JCAD: variants seen among roughly 807,000 people sequenced by gnomAD.
JCAD encodes the protein junctional cadherin 5 associated.
A neutral mutation model predicts 98.0 loss-of-function variants in JCAD; 40 were observed. That is an observed-to-expected ratio of 0.41 (90% confidence interval 0.32 to 0.53). The LOEUF (loss-of-function observed/expected upper bound fraction) is 0.53, where lower values mean the gene tolerates loss of function less well. Ranked by LOEUF, JCAD falls within the 20% of genes least tolerant of loss-of-function variation. The probability of loss-of-function intolerance (pLI) is 0.31; values close to 1 mark genes in which losing one functional copy is unlikely to be tolerated. For synonymous variants in JCAD, 691 were observed against 682.3 expected (o/e 1.01, Z -0.20); for missense variants, 1,705 against 1,738.1 (o/e 0.98, Z 0.34).
intron 2 of JCAD, among the ~76,000 whole-genome samples, chr10:30,037,801 G>A (rs1027893330): frequency 1.3e-5 from 2 of 152,070 alleles, no homozygotes; most frequent in African/African-American, 2.4e-5. Flanking sequence ...TTAAGTAGGA[G>A]GCATGTTGGA....
intron 2 of JCAD, among the ~76,000 whole-genome samples, chr10:30,043,814 G>A (rs1032632907): frequency 8.5e-5 from 13 of 152,336 alleles, no homozygotes; most frequent in Non-Finnish European, 1.5e-4. Context: ...CTGGCAGCCC[G>A]GGGGGTGGGG....
At chr10:30,056,323 T>C (rs1404787419) in intron 1 of JCAD, among the ~76,000 whole-genome samples, 1 of 152,222 alleles carries the variant, frequency 6.6e-6, no homozygotes, top group Non-Finnish European at 1.5e-5. Context: ...AATTATTTCA[T>C]ATGATCTTTA....
chr10:30,092,070 T>C (rs1000565200), intron 1 of JCAD, among the ~76,000 whole-genome samples: 951 of 46,382 alleles, frequency 0.021, 53 homozygotes, highest in East Asian at 0.052. Flanking sequence ...AAAAAATATA[T>C]ATATATATAT....
rs1436881382 is a variant in JCAD at position 30,016,693 on chromosome 10, C to T, written c.*1190G>A. ...CAGGGTGGGAAGAAAAGCATGGTCT[C>T]AGGGTAGATCCCCACACACATACAA... is the stretch of plus-strand genomic sequence containing the variant. On this transcript the variant is annotated 3_prime_UTR_variant, in exon 4 of 4. Coordinates refer to ENST00000375377, the MANE Select transcript of JCAD (RefSeq NM_020848.4). The T allele has an allele frequency of 6.6e-6, 1 of 152,048 alleles. No individual in the cohort carries two copies. Among genetic ancestry groups the T allele is most frequent in the Non-Finnish European group, 1.5e-5 (1 of 68,008 alleles). The allele number at this position is 152,048 out of a possible 1,614,324, so 9.4% of individuals were successfully genotyped here. A position where few individuals can be genotyped will look rare whatever the true frequency, so the allele number is the denominator to read the frequency against.
At chr10:30,080,713 CT>C (rs1310142101) in intron 1 of JCAD, among the ~76,000 whole-genome samples, 8 of 152,180 alleles carry the variant, frequency 5.3e-5, no homozygotes, top group Non-Finnish European at 1.2e-4. Context: ...GTCAGGCCCC[CT>C]GGCCCATCAG....
chr10:30,092,034 CAAAAAA>C (rs1198107053), intron 1 of JCAD, among the ~76,000 whole-genome samples: 82 of 35,318 alleles, frequency 2.3e-3, no homozygotes, highest in African/African-American at 0.01. Context: ...TCCCCCACCA[CAAAAAA>C]AAAAAAAAAA....
rs200173327 is a variant in JCAD at position 30,027,204 on chromosome 10, A to C, written c.2944T>G (p.Ser982Ala). 24 of 1,613,998 alleles carry C rather than the reference A, an allele frequency of 1.5e-5. No individual in the cohort carries two copies. The highest frequency in any genetic ancestry group is 1.9e-5 in the Non-Finnish European group (23 of 1,180,024). ...GCGGGCAGTGGTTTTGCGTCACTTG[A>C]TCTTGAAGACATTCTCGTCACAGGA... ...PFPVTRMSSRSSDAKPLPASY... is the reference protein window; with the variant it reads ...PFPVTRMSSRASDAKPLPASY... Residue 982 changes from serine (S) to alanine (A), a missense_variant, in exon 3 of 4, where the codon TCA becomes GCA. Transcript: ENST00000375377.
chr10:30,061,870 T>C (rs139161741), upstream of JCAD, among the ~76,000 whole-genome samples: 10 of 152,282 alleles, frequency 6.6e-5, no homozygotes, highest in East Asian at 1.9e-4. Context: ...CTCAATGAAA[T>C]AACTTTGTCC....
chr10:30,088,656 G>A (rs1838205887), intron 1 of JCAD, among the ~76,000 whole-genome samples: 1 of 152,138 alleles, frequency 6.6e-6, no homozygotes, highest in Non-Finnish European at 1.5e-5. Flanking sequence ...ATCCCAAGGA[G>A]AGAGGCAGAG....
chr10:30,071,159 C>A (rs1837879461), intron 1 of JCAD, among the ~76,000 whole-genome samples: 2 of 152,220 alleles, frequency 1.3e-5, no homozygotes, highest in Admixed American at 6.5e-5. Context: ...TCTGCCTCGG[C>A]CTCCCAAAGT....
intron 2 of JCAD, among the ~76,000 whole-genome samples, chr10:30,037,796 T>C (rs1308456782): frequency 1.3e-5 from 2 of 152,020 alleles, no homozygotes; most frequent in Non-Finnish European, 2.9e-5. Flanking sequence ...GGAAATTAAG[T>C]AGGAGGCATG....
At chr10:30,037,551 G>A (rs574411662) in intron 2 of JCAD, among the ~76,000 whole-genome samples, 9 of 152,280 alleles carry the variant, frequency 5.9e-5, no homozygotes, top group African/African-American at 2.2e-4. Context: ...TTTTTATGAT[G>A]TCACAATGAA....
At chr10:30,098,545 G>A (rs1029929615) in intron 1 of JCAD, among the ~76,000 whole-genome samples, 2 of 152,180 alleles carry the variant, frequency 1.3e-5, no homozygotes, top group African/African-American at 4.8e-5. Flanking sequence ...AAGCTGGGAT[G>A]GTGTTTGGCC....
At chr10:30,059,955 GAC>G (rs1807862540), upstream of JCAD, among the ~76,000 whole-genome samples, 1 of 151,798 alleles carries the variant, frequency 6.6e-6, no homozygotes. The surrounding 1 kb of genome is among the most constrained non-coding windows in gnomAD (Gnocchi z 5.0). Context: ...ACATATACAG[GAC>G]ACACAGGTGC....
At position 30,050,314 on chromosome 10, in the gene JCAD, C is replaced by CAAAAA. The variant is rs61421356; in HGVS notation, c.-59-2448_-59-2444dup. ...TGAGTGACACAGCAAGACCCTGTCT[C>CAAAAA]AAAAAAAAAAAAAAAAAAAAAAAAA... is the stretch of plus-strand genomic sequence containing the variant. On this transcript the variant is annotated intron_variant, in intron 1 of 3. Coordinates refer to ENST00000375377, the MANE Select transcript of JCAD (RefSeq NM_020848.4). Among the ~76,000 whole-genome samples, 147 of 41,668 alleles carry CAAAAA rather than the reference C, an allele frequency of 3.5e-3. 1 individual carries two copies. Among genetic ancestry groups the CAAAAA allele is most frequent in the African/African-American group, 4.9e-3 (68 of 13,904 alleles). The allele number at this position is 41,668 out of a possible 152,430, so 27.3% of individuals were successfully genotyped here.
At chr10:30,086,461 C>G (rs2132689552) in intron 1 of JCAD, among the ~76,000 whole-genome samples, 1 of 152,346 alleles carries the variant, frequency 6.6e-6, no homozygotes, top group East Asian at 1.9e-4. Context: ...TGTCAGTTGA[C>G]AGAAGGTGGA....
chr10:30,047,792 G>C lies in JCAD; in HGVS notation c.21C>G (p.Leu7=). 1 of 1,613,428 alleles carries C rather than the reference G, an allele frequency of 6.2e-7. No individual in the cohort carries two copies. The highest frequency in any genetic ancestry group is 1.1e-5 in the South Asian group (1 of 90,972). The change falls in exon 2 of 4, where the codon CTC becomes CTG. Residue 7 remains leucine (L), a synonymous_variant. Transcript: ENST00000375377. ...ACAGCTTGTATCCATGAGAGATCAGGAGGTCTTCTACACTGTACATGATGC... is the reference window on the plus strand; with the variant it reads ...ACAGCTTGTATCCATGAGAGATCAGCAGGTCTTCTACACTGTACATGATGC... MYSVED[L]LISHGYKLSR... is the part of the protein sequence containing the mutation.
chr10:30,081,851 A>G (rs112731244), intron 1 of JCAD, among the ~76,000 whole-genome samples: 1 of 152,348 alleles, frequency 6.6e-6, no homozygotes, highest in African/African-American at 2.4e-5. Context: ...CGTCTGCTGC[A>G]TAGCAGCTCC....
chr10:30,085,790 G>A (rs1009937933), intron 1 of JCAD, among the ~76,000 whole-genome samples: 1 of 152,168 alleles, frequency 6.6e-6, no homozygotes, highest in East Asian at 1.9e-4. Context: ...CTATTTAATA[G>A]TGCCCATGGG....
Sources: gnomAD v4.1 joint callset for allele counts (sites outside exome capture counted in the v4.1 genomes callset) on GRCh38, gnomAD v4.1.1 for gene constraint, Gnocchi (gnomAD v3.1) non-coding constraint, MANE v1.5 for transcripts, NCBI Gene and HGNC (gene_info 2026-07-23, HGNC 2026-07-21) for gene names.